Variants in GLS observed in about 807,000 individuals in gnomAD.
The protein encoded by GLS is glutaminase.
Under a neutral mutation model 86.7 loss-of-function variants are expected in GLS, and 36 were observed. The ratio of observed to expected loss-of-function variants is 0.42; its 90% CI spans 0.32 to 0.55. The LOEUF (loss-of-function observed/expected upper bound fraction) is 0.55. GLS is among the 20% of genes least tolerant of loss of function. The pLI, the probability that GLS is intolerant of heterozygous loss-of-function variation, is 0.17. For synonymous variants in GLS, 317 were observed against 305.9 expected (o/e 1.04, Z -0.38); for missense variants, 528 against 833.4 (o/e 0.63, Z 4.51).
chr2:190,911,691 A>G lies in GLS; in HGVS notation c.1038+1370A>G, dbSNP rs569270159. On this transcript the variant is annotated intron_variant, in intron 7 of 17. Coordinates refer to ENST00000320717, the MANE Select transcript of GLS (RefSeq NM_014905.5). ...AATAATTGCTTAGATTTGAACAAGT[A>G]ACTTAAAGTAGAAATAAGGAAACAC... Among the ~76,000 whole-genome samples, 3 of 152,210 alleles carry G rather than the reference A, an allele frequency of 2.0e-5. No homozygotes were observed. In the South Asian group the frequency reaches 6.2e-4, roughly 32 times the overall value.
At chr2:190,936,961 A>G (rs1193245249) in intron 14 of GLS, among the ~76,000 whole-genome samples, 1 of 151,288 alleles carries the variant, frequency 6.6e-6, no homozygotes, top group Non-Finnish European at 1.5e-5. Context: ...CTTCTCAATT[A>G]CTTCTCTACC....
chr2:190,921,094 C>G lies in GLS; in HGVS notation c.1071+38C>G. On this transcript the variant is annotated intron_variant, in intron 8 of 17. Coordinates refer to ENST00000320717, the MANE Select transcript of GLS (RefSeq NM_014905.5). This position sits in a 1 kb window ranked among gnomAD's most constrained non-coding sequence, Gnocchi z 4.2. ...TGTCATTCAGTTTTCATGCCACATT[C>G]TCTATATATTTGTTTTTTGATTACT... The G allele has an allele frequency of 1.3e-6, 2 of 1,579,840 alleles. No homozygotes were observed. Among genetic ancestry groups the G allele is most frequent in the Non-Finnish European group, 1.7e-6 (2 of 1,149,564 alleles).
At position 190,895,108 on chromosome 2, in the gene GLS, A is replaced by C. The variant is rs1688684552; in HGVS notation, c.387-44A>C. The C allele has an allele frequency of 1.2e-6, 1 of 814,496 alleles. No homozygotes were observed. The highest frequency in any genetic ancestry group is 2.1e-6 in the Non-Finnish European group (1 of 472,660). The allele number at this position is 814,496 out of a possible 1,614,324, so 50.5% of individuals were successfully genotyped here. On this transcript the variant is annotated intron_variant, in intron 1 of 17. Coordinates refer to ENST00000320717, the MANE Select transcript of GLS (RefSeq NM_014905.5). This position sits in a 1 kb window ranked among gnomAD's most constrained non-coding sequence, Gnocchi z 4.2. ...TGGATTTAGTTAAAAATCCAGTAGA[A>C]TGTTCATACAAGGATTAATTTTGTG...
chr2:190,898,358 T>C (rs1688820814), intron 3 of GLS, among the ~76,000 whole-genome samples: 1 of 152,220 alleles, frequency 6.6e-6, no homozygotes, highest in Non-Finnish European at 1.5e-5. Flanking sequence ...TATATATAAC[T>C]TGCTGAAAAG....
intron 14 of GLS, among the ~76,000 whole-genome samples, chr2:190,940,089 C>T (rs747881280): frequency 3.3e-5 from 5 of 151,600 alleles, no homozygotes; most frequent in Admixed American, 6.6e-5. Context: ...TTAAAAAGTT[C>T]GAAAGAAAAC....
In GLS at chr2:190,927,686, A is replaced by G. The variant is rs970946194; in HGVS notation, c.1425+204A>G. On this transcript the variant is annotated intron_variant, in intron 12 of 17. Transcript: ENST00000320717. ...TCTTAAGAACTTGGAAGTTTGATTT[A>G]TAGAACCTCATCCCTTCTGCTTTTA... is the stretch of plus-strand genomic sequence containing the variant. 8.1e-5 allele frequency: 37 copies of G among 458,384 alleles called. No individual in the cohort carries two copies. The East Asian group carries it at 1.3e-3, about 17-fold the overall frequency. 28.4% of individuals were successfully genotyped at this position (458,384 alleles called of 1,614,324 possible).
In GLS at chr2:190,962,939, G is replaced by A. The variant is rs1380385009; in HGVS notation, c.1963G>A (p.Gly655Arg). The change falls in exon 18 of 18, where the codon GGG (glycine) becomes AGG (arginine). Residue 655 changes from glycine (G) to arginine (R), a missense_variant. Coordinates refer to ENST00000320717, the MANE Select transcript of GLS (RefSeq NM_014905.5). This position sits in a 1 kb window ranked among gnomAD's most constrained non-coding sequence, Gnocchi z 4.2. ...CACACCTCAAGGAGATTCTGACAAC[G>A]GGAAGGAAAATCAAACCGTCCATAA... Reference protein sequence around the residue: ...QYTPQGDSDNGKENQTVHKNL... With the variant: ...QYTPQGDSDNRKENQTVHKNL... 3.1e-6 allele frequency: 5 copies of A among 1,610,428 alleles called. No homozygotes were observed. The highest frequency in any genetic ancestry group is 1.7e-5 in the Admixed American group (1 of 59,038).
At position 190,930,359 on chromosome 2, in the gene GLS, C is replaced by T; in HGVS notation, c.1426-78C>T. The T allele has an allele frequency of 9.2e-7, 1 of 1,092,132 alleles. No individual in the cohort carries two copies. Among genetic ancestry groups the T allele is most frequent in the Admixed American group, 1.8e-5 (1 of 55,494 alleles). 67.7% of individuals were successfully genotyped at this position (1,092,132 alleles called of 1,614,324 possible). On this transcript the variant is annotated intron_variant, in intron 12 of 17. Coordinates refer to ENST00000320717, the MANE Select transcript of GLS (RefSeq NM_014905.5). This position sits in a 1 kb window ranked among gnomAD's most constrained non-coding sequence, Gnocchi z 5.0. ...AGGAGTGAGCCATGGTGCCCAGCCC[C>T]AGTTTCCCTATTGTTGAACATAACA...
Position 190,880,866 on chromosome 2 carries a change from CT to C in GLS, c.-218del. The stretch of plus-strand genomic sequence containing the variant: ...GCGAAGAGAACCGGTCGCGGCAATC[CT>C]AGCGCGCAGCAGCAGCAGCAGCAGC... On this transcript the variant is annotated 5_prime_UTR_variant, in exon 1 of 18. Transcript: ENST00000320717. 1.3e-6 allele frequency: 1 copy of C among 791,406 alleles called. No homozygotes were observed. Among genetic ancestry groups the C allele is most frequent in the South Asian group, 1.5e-5 (1 of 66,796 alleles). The allele number at this position is 791,406 out of a possible 1,614,324, so 49.0% of individuals were successfully genotyped here.
At chr2:190,915,199 A>G (rs986480091) in intron 7 of GLS, among the ~76,000 whole-genome samples, 48 of 147,536 alleles carry the variant, frequency 3.3e-4, no homozygotes, top group African/African-American at 1.2e-3. Flanking sequence ...ACAGGGTTTC[A>G]CCATGTTAGC....
intron 14 of GLS, among the ~76,000 whole-genome samples, chr2:190,952,682 T>C (rs1386313963): frequency 1.3e-5 from 2 of 152,178 alleles, no homozygotes; most frequent in African/African-American, 4.8e-5. Context: ...TTTTCTACCA[T>C]TGAGTCCAGT....
Position 190,924,808 on chromosome 2 carries a change from G to A in GLS, c.1248+215G>A. 1 of 421,552 alleles carries A rather than the reference G, an allele frequency of 2.4e-6. No homozygotes were observed. Among genetic ancestry groups the A allele is most frequent in the Non-Finnish European group, 4.3e-6 (1 of 230,252 alleles). The allele number at this position is 421,552 out of a possible 1,614,324, so 26.1% of individuals were successfully genotyped here. On this transcript the variant is annotated intron_variant, in intron 11 of 17. Transcript: ENST00000320717. The surrounding 1 kb of genome is among the most constrained non-coding windows in gnomAD (Gnocchi z 5.2). Reference sequence around the variant, plus strand: ...TGTGTGCCTGTAGTCCCAGTTACTTGTGAGGCTGAGGCAGGAGAATCCCTT... The same window carrying A: ...TGTGTGCCTGTAGTCCCAGTTACTTATGAGGCTGAGGCAGGAGAATCCCTT...
rs1051666797 is a variant in GLS at position 190,947,106 on chromosome 2, T to G, written c.1651-6459T>G. ...ACAGAGTAATGTGAGTATATAATTC[T>G]AATAATTGCTACTTACTCATAAGTA... On this transcript the variant is annotated intron_variant, in intron 14 of 17. Coordinates refer to ENST00000320717, the MANE Select transcript of GLS (RefSeq NM_014905.5). The surrounding 1 kb of genome is among the most constrained non-coding windows in gnomAD (Gnocchi z 5.0). 6.6e-6 allele frequency among the ~76,000 whole-genome samples: 1 copy of G among 152,248 alleles called. No individual in the cohort carries two copies. Among genetic ancestry groups the G allele is most frequent in the Non-Finnish European group, 1.5e-5 (1 of 68,042 alleles).
At chr2:190,957,626 T>G (rs2124953968) in intron 17 of GLS, among the ~76,000 whole-genome samples, 1 of 152,356 alleles carries the variant, frequency 6.6e-6, no homozygotes, top group South Asian at 2.1e-4. Flanking sequence ...GAAGGTGTGT[T>G]GGATTTTGTC....
At chr2:190,887,583 A>G (rs1574558412) in intron 1 of GLS, among the ~76,000 whole-genome samples, 1 of 152,242 alleles carries the variant, frequency 6.6e-6, no homozygotes, top group Admixed American at 6.5e-5. Flanking sequence ...TGATGAGGAT[A>G]TTTTGAGTGA....
chr2:190,962,770 G>C lies in GLS; in HGVS notation c.1854-60G>C, dbSNP rs1691033287. On this transcript the variant is annotated intron_variant, in intron 17 of 17. Transcript: ENST00000320717. This position sits in a 1 kb window ranked among gnomAD's most constrained non-coding sequence, Gnocchi z 4.2. ...TGCATTTAAAATCTAGGAATGTGGG[G>C]TGATCATCTTTGTACATAAATTACC... is the stretch of plus-strand genomic sequence containing the variant. The C allele has an allele frequency of 9.1e-7, 1 of 1,093,816 alleles. No individual in the cohort carries two copies. Among genetic ancestry groups the C allele is most frequent in the Non-Finnish European group, 1.2e-6 (1 of 812,856 alleles). 67.8% of individuals were successfully genotyped at this position (1,093,816 alleles called of 1,614,324 possible).
intron 1 of GLS, 174 bp downstream of exon 1, chr2:190,881,644 G>A (rs564953258): frequency 3.0e-4 from 173 of 584,010 alleles, no homozygotes; most frequent in Non-Finnish European, 3.9e-4. Flanking sequence ...CCCCGCCCGC[G>A]CCTTCCCCGC....
rs1275277540 is a variant in GLS, at chr2:190,920,698, A to C, written c.1039-326A>C. 6.6e-6 allele frequency among the ~76,000 whole-genome samples: 1 copy of C among 151,772 alleles called. No homozygotes were observed. The highest frequency in any genetic ancestry group is 1.9e-4 in the East Asian group (1 of 5,200). ...TTTTTAAATATAAGATTAAATAAAT[A>C]ACACATTTTAGCAAATTATGTGCTG... On this transcript the variant is annotated intron_variant, in intron 7 of 17. Coordinates refer to ENST00000320717, the MANE Select transcript of GLS (RefSeq NM_014905.5). The surrounding 1 kb of genome is among the most constrained non-coding windows in gnomAD (Gnocchi z 4.2).
At chr2:190,934,106 C>G (rs1242524722) in intron 14 of GLS, 17 of 978,866 alleles carry the variant, frequency 1.7e-5, no homozygotes, top group Non-Finnish European at 1.8e-5. Context: ...CCCCATAGTT[C>G]CCCTATAATT....
Sources: gnomAD v4.1 joint callset for allele counts (sites outside exome capture counted in the v4.1 genomes callset) on GRCh38, gnomAD v4.1.1 for gene constraint, Gnocchi (gnomAD v3.1) non-coding constraint, MANE v1.5 for transcripts, NCBI Gene and HGNC (gene_info 2026-07-23, HGNC 2026-07-21) for gene names.